Variants in SLC19A3 observed in about 807,000 individuals in gnomAD.
SLC19A3 encodes the protein thiamine transporter 2.
In SLC19A3, 31 loss-of-function variants were observed where a neutral mutation model predicts 40.2. That is an observed-to-expected ratio of 0.77 (90% CI 0.58 to 1.04). The LOEUF is 1.04. Ranked by LOEUF, SLC19A3 falls within the 50% of genes least tolerant of loss-of-function variation. The pLI, the probability that SLC19A3 is intolerant of heterozygous loss-of-function variation, is 0.00. For missense variants in SLC19A3, 592 were observed against 596.7 expected, an observed-to-expected ratio of 0.99 and a Z score of 0.08; for synonymous variants, 212 against 227.5, an observed-to-expected ratio of 0.93 and a Z score of 0.61.
At chr2:227,700,477 G>T (rs534063521) in intron 2 of SLC19A3, among the ~76,000 whole-genome samples, 4 of 152,152 alleles carry the variant, frequency 2.6e-5, no homozygotes, top group Non-Finnish European at 5.9e-5. Flanking sequence ...GGCAGAGGTT[G>T]CAGAGAGCCG....
In SLC19A3 at chr2:227,699,646, C is replaced by G; in HGVS notation, c.151-82G>C. 3.4e-6 allele frequency: 4 copies of G among 1,169,928 alleles called. No individual in the cohort carries two copies. In the South Asian group the frequency reaches 4.9e-5, roughly 14 times the overall value. The allele number at this position is 1,169,928 out of a possible 1,614,324, so 72.5% of individuals were successfully genotyped here. ...GTGGTTTGTATCTCAAATTCTGCCT[C>G]CAATTGGAAATTATTCGCATTACGG... On this transcript the variant is annotated intron_variant, in intron 2 of 5. Coordinates refer to ENST00000644224, the MANE Select transcript of SLC19A3 (RefSeq NM_025243.4).
intron 4 of SLC19A3, among the ~76,000 whole-genome samples, chr2:227,691,165 G>A (rs1695213189): frequency 6.6e-6 from 1 of 152,146 alleles, no homozygotes. Context: ...ATATGCCCCT[G>A]AATGACCAGT....
chr2:227,713,666 T>C (rs1247648853), intron 1 of SLC19A3, among the ~76,000 whole-genome samples: 1 of 152,010 alleles, frequency 6.6e-6, no homozygotes, highest in African/African-American at 2.4e-5. Flanking sequence ...CCCTAAACCT[T>C]GGACTTCCCA....
intron 1 of SLC19A3, among the ~76,000 whole-genome samples, chr2:227,706,090 C>T (rs937956412): frequency 6.6e-6 from 1 of 152,056 alleles, no homozygotes; most frequent in African/African-American, 2.4e-5. Flanking sequence ...AATATGAACA[C>T]ATGTCCCTTA....
chr2:227,714,805 C>A, intron 1 of SLC19A3, among the ~76,000 whole-genome samples: 1 of 79,914 alleles, frequency 1.3e-5, no homozygotes, highest in South Asian at 4.9e-4. Context: ...CCTGACTATT[C>A]TTTTTTTTTT....
chr2:227,715,814 G>A lies in SLC19A3; in HGVS notation c.-3+2129C>T, dbSNP rs1224176284. ...AAAATACAAAAATTAGCTAGGCATG[G>A]TGGTGTGTGCCTATAGTGCCAGGTA... On this transcript the variant is annotated intron_variant, in intron 1 of 5. Transcript: ENST00000644224. Among the ~76,000 whole-genome samples, 4 of 151,666 alleles carry A rather than the reference G, an allele frequency of 2.6e-5. No homozygotes were observed. In the East Asian group the frequency reaches 7.7e-4, roughly 29 times the overall value.
chr2:227,715,237 T>A (rs1215818835), intron 1 of SLC19A3, among the ~76,000 whole-genome samples: 1 of 149,428 alleles, frequency 6.7e-6, no homozygotes, highest in Non-Finnish European at 1.5e-5. Context: ...TAATCCTTTA[T>A]GTCAAACCCC....
At chr2:227,715,248 A>ACATG (rs1490901321) in intron 1 of SLC19A3, among the ~76,000 whole-genome samples, 137 of 145,016 alleles carry the variant, frequency 9.4e-4, no homozygotes, top group Middle Eastern at 3.6e-3. Flanking sequence ...GTCAAACCCC[A>ACATG]CACCCCCCCC....
rs1694952620 is a variant in SLC19A3, at chr2:227,684,685, A to G, written c.*2712T>C. Reference sequence around the variant, plus strand: ...AATGCCTCCAGAATAATAAGTTAAAAAAGAAGGATAATAGACTGGGTGTGA... The same window carrying G: ...AATGCCTCCAGAATAATAAGTTAAAGAAGAAGGATAATAGACTGGGTGTGA... On this transcript the variant is annotated 3_prime_UTR_variant, in exon 6 of 6. Coordinates refer to ENST00000644224, the MANE Select transcript of SLC19A3 (RefSeq NM_025243.4). 1 of 152,118 alleles carries G rather than the reference A, an allele frequency of 6.6e-6. No individual in the cohort carries two copies. The highest frequency in any genetic ancestry group is 1.9e-4 in the East Asian group (1 of 5,184). 9.4% of individuals were successfully genotyped at this position (152,118 alleles called of 1,614,324 possible).
intron 3 of SLC19A3, among the ~76,000 whole-genome samples, chr2:227,697,151 G>A (rs1473328700): frequency 2.0e-5 from 3 of 151,060 alleles, no homozygotes. Flanking sequence ...CATGACCACA[G>A]AGGAAAAAAA....
rs1694994960 is a variant in SLC19A3 at position 227,685,833 on chromosome 2, C to G, written c.*1564G>C. 6.2e-6 allele frequency: 1 copy of G among 162,412 alleles called. No individual in the cohort carries two copies. The highest frequency in any genetic ancestry group is 1.3e-5 in the Non-Finnish European group (1 of 74,132). 10.1% of individuals were successfully genotyped at this position (162,412 alleles called of 1,614,324 possible). ...TGTTCAGATAATTTTCAGCAGAATTCATCAAAAAATGTTAACAACTCTTTA... is the reference window on the plus strand; with the variant it reads ...TGTTCAGATAATTTTCAGCAGAATTGATCAAAAAATGTTAACAACTCTTTA... On this transcript the variant is annotated 3_prime_UTR_variant, in exon 6 of 6. Coordinates refer to ENST00000644224, the MANE Select transcript of SLC19A3 (RefSeq NM_025243.4).
At chr2:227,709,569 G>A (rs371879669) in intron 1 of SLC19A3, among the ~76,000 whole-genome samples, 7 of 152,236 alleles carry the variant, frequency 4.6e-5, no homozygotes, top group East Asian at 3.9e-4. Flanking sequence ...CTAAGGTAAA[G>A]CCTTATTTGG....
intron 3 of SLC19A3, 142 bp downstream of exon 3, chr2:227,698,594 C>G: frequency 1.2e-6 from 1 of 800,270 alleles, no homozygotes; most frequent in South Asian, 1.5e-5. Flanking sequence ...CCACCATGCC[C>G]GGCCGTGACT....
chr2:227,699,590 C>T (rs1205840939), intron 2 of SLC19A3, 26 bp from the exon 3 acceptor site: 4 of 1,590,410 alleles, frequency 2.5e-6, no homozygotes, highest in South Asian at 1.1e-5. Flanking sequence ...ATTGCATGAC[C>T]ACGAAGCACC....
At chr2:227,709,565 T>C (rs1201672809) in intron 1 of SLC19A3, among the ~76,000 whole-genome samples, 1 of 151,994 alleles carries the variant, frequency 6.6e-6, no homozygotes. Flanking sequence ...CTAGCTAAGG[T>C]AAAGCCTTAT....
chr2:227,709,929 A>G (rs182309131), intron 1 of SLC19A3, among the ~76,000 whole-genome samples: 309 of 152,194 alleles, frequency 2.0e-3, no homozygotes, highest in Middle Eastern at 0.017. Flanking sequence ...TTTTTCCATG[A>G]AAAAATGGGG....
chr2:227,684,125 C>A lies in SLC19A3; in HGVS notation c.*3272G>T, dbSNP rs28395237. ...CATTTGTCTTTTTAGAAAAGTTATA[C>A]GCATATATAAGCCAATACAGATATT... On this transcript the variant is annotated 3_prime_UTR_variant, in exon 6 of 6. Transcript: ENST00000644224. 3 of 151,970 alleles carry A rather than the reference C, an allele frequency of 2.0e-5. No homozygotes were observed. The highest frequency in any genetic ancestry group is 4.8e-5 in the African/African-American group (2 of 41,342). 9.4% of individuals were successfully genotyped at this position (151,970 alleles called of 1,614,324 possible).
At chr2:227,706,097 C>T (rs2106336959) in intron 1 of SLC19A3, among the ~76,000 whole-genome samples, 1 of 152,134 alleles carries the variant, frequency 6.6e-6, no homozygotes, top group East Asian at 1.9e-4. Flanking sequence ...ACACATGTCC[C>T]TTATAAACAT....
chr2:227,692,580 C>A (rs192252014), intron 4 of SLC19A3, among the ~76,000 whole-genome samples: 1 of 152,104 alleles, frequency 6.6e-6, no homozygotes, highest in Non-Finnish European at 1.5e-5. Context: ...TATGACAGAC[C>A]TACAGCTAGT....
Sources: allele counts gnomAD v4.1 joint callset (sites outside exome capture counted in the v4.1 genomes callset), GRCh38; gene constraint gnomAD v4.1.1; transcripts MANE v1.5; gene names NCBI Gene and HGNC (gene_info 2026-07-23, HGNC 2026-07-21).